The following GALNT13 variants were observed in gnomAD, a reference collection of about 807,000 sequenced individuals.
The protein encoded by GALNT13 is UDP-GalNAc:polypeptide N-acetylgalactosaminyltransferase 13.
In GALNT13, 28 loss-of-function variants were observed where a neutral mutation model predicts 64.2. The ratio of observed to expected loss-of-function variants is 0.44; its 90% CI spans 0.32 to 0.60. The LOEUF (loss-of-function observed/expected upper bound fraction) is 0.60, where lower values mean the gene tolerates loss of function less well. Among genes scored for constraint, GALNT13 ranks in the 20% least tolerant of loss-of-function variants. GALNT13 has a pLI of 0.05. For missense variants in GALNT13, 577 were observed against 669.8 expected (o/e 0.86, Z 1.53); for synonymous variants, 214 against 224.6 (o/e 0.95, Z 0.42).
the GALNT13 span, among the ~76,000 whole-genome samples, chr2:153,483,829 G>C: frequency 6.6e-6 from 1 of 152,078 alleles, no homozygotes; most frequent in African/African-American, 2.4e-5. Context: ...TTTTAAATGA[G>C]GTACCTAGAC....
chr2:154,050,608 C>A (rs1699551202), intron 3 of GALNT13, among the ~76,000 whole-genome samples: 1 of 151,936 alleles, frequency 6.6e-6, no homozygotes, highest in Non-Finnish European at 1.5e-5. Flanking sequence ...CAGCAGCCAA[C>A]TCAAGGGGGG....
At chr2:154,313,197 A>G (rs934838179) in intron 9 of GALNT13, among the ~76,000 whole-genome samples, 21 of 150,120 alleles carry the variant, frequency 1.4e-4, no homozygotes, top group Non-Finnish European at 3.0e-5. Context: ...GCATATATGT[A>G]CACATATGTG....
At chr2:154,172,674 G>A (rs987566287) in intron 4 of GALNT13, among the ~76,000 whole-genome samples, 20 of 151,040 alleles carry the variant, frequency 1.3e-4, no homozygotes, top group Middle Eastern at 3.4e-3. Context: ...GTGTGTATGC[G>A]CATACATACA....
intron 4 of GALNT13, among the ~76,000 whole-genome samples, chr2:154,237,729 G>A (rs74830645): frequency 0.04 from 6,126 of 151,474 alleles, 189 homozygotes; most frequent in Non-Finnish European, 0.058. Context: ...TTCAAACATG[G>A]TCACAGCTGT....
At chr2:153,503,075 T>C in the GALNT13 span, among the ~76,000 whole-genome samples, 1 of 152,248 alleles carries the variant, frequency 6.6e-6, no homozygotes, top group Admixed American at 6.5e-5. Context: ...TGAAGCTTTT[T>C]AGTTTAATTA....
chr2:154,107,092 C>T (rs1242984214), intron 3 of GALNT13, among the ~76,000 whole-genome samples: 1 of 152,034 alleles, frequency 6.6e-6, no homozygotes, highest in Non-Finnish European at 1.5e-5. Flanking sequence ...CATGTCTACT[C>T]CCCTTTGCCT....
chr2:153,649,973 A>G, the GALNT13 span, among the ~76,000 whole-genome samples: 4 of 152,140 alleles, frequency 2.6e-5, no homozygotes, highest in Admixed American at 1.3e-4. Flanking sequence ...GTAGATGTCT[A>G]TTAGGTCTGC....
chr2:153,697,601 A>G, the GALNT13 span, among the ~76,000 whole-genome samples: 1 of 152,212 alleles, frequency 6.6e-6, no homozygotes. Context: ...GCAGAAGACT[A>G]TCTCTAATAT....
the GALNT13 span, among the ~76,000 whole-genome samples, chr2:153,591,316 T>C: frequency 3.3e-5 from 5 of 151,896 alleles, no homozygotes; most frequent in Admixed American, 3.3e-4. Flanking sequence ...GTGACACAAA[T>C]CGAAAAACAT....
the GALNT13 span, among the ~76,000 whole-genome samples, chr2:153,294,330 G>A: frequency 6.6e-6 from 1 of 152,092 alleles, no homozygotes. Context: ...TCACCAACCA[G>A]CTGAGTTCAG....
chr2:153,424,685 A>T, the GALNT13 span, among the ~76,000 whole-genome samples: 1 of 151,876 alleles, frequency 6.6e-6, no homozygotes, highest in African/African-American at 2.4e-5. Flanking sequence ...TTTGAACAGA[A>T]ATTTGGTAGA....
At chr2:153,510,195 G>A in the GALNT13 span, among the ~76,000 whole-genome samples, 8 of 152,138 alleles carry the variant, frequency 5.3e-5, no homozygotes, top group African/African-American at 1.7e-4. Flanking sequence ...TTTTTAGTCT[G>A]TCCCAATTTC....
chr2:153,775,985 C>T, the GALNT13 span, among the ~76,000 whole-genome samples: 2 of 152,030 alleles, frequency 1.3e-5, no homozygotes, highest in Non-Finnish European at 2.9e-5. Context: ...TATAAAATCA[C>T]CTTTGAAATT....
intron 3 of GALNT13, among the ~76,000 whole-genome samples, chr2:154,124,824 G>A (rs1429057120): frequency 2.6e-5 from 4 of 152,028 alleles, no homozygotes; most frequent in African/African-American, 9.7e-5. Context: ...AATTTTAAAT[G>A]TATACCATAG....
intron 4 of GALNT13, among the ~76,000 whole-genome samples, chr2:154,189,572 G>T (rs1466094723): frequency 1.3e-5 from 2 of 151,474 alleles, no homozygotes; most frequent in Non-Finnish European, 2.9e-5. Context: ...CCTGATCTTG[G>T]ATTTCCAGTT....
chr2:153,224,684 C>T, the GALNT13 span, among the ~76,000 whole-genome samples: 1 of 152,134 alleles, frequency 6.6e-6, no homozygotes, highest in Non-Finnish European at 1.5e-5. Context: ...ATAGATTCTG[C>T]AGACGTTTAA....
the GALNT13 span, among the ~76,000 whole-genome samples, chr2:153,740,591 T>A: frequency 2.6e-4 from 40 of 152,224 alleles, no homozygotes; most frequent in Non-Finnish European, 5.1e-4. Flanking sequence ...TACCATTATA[T>A]GTATAATTTT....
intron 4 of GALNT13, among the ~76,000 whole-genome samples, chr2:154,216,066 C>T (rs1021580925): frequency 1.1e-4 from 17 of 151,756 alleles, no homozygotes; most frequent in African/African-American, 3.9e-4. Flanking sequence ...TGTTAACTTA[C>T]ATTACAGTGA....
chr2:154,052,882 G>A (rs895383885), intron 3 of GALNT13, among the ~76,000 whole-genome samples: 13 of 151,688 alleles, frequency 8.6e-5, no homozygotes, highest in Non-Finnish European at 1.3e-4. Context: ...GACTACAGGC[G>A]CCCGCCACCA....
Sources: allele counts gnomAD v4.1 joint callset (sites outside exome capture counted in the v4.1 genomes callset), GRCh38; gene constraint gnomAD v4.1.1; transcripts MANE v1.5; gene names NCBI Gene and HGNC (gene_info 2026-07-23, HGNC 2026-07-21).